Variants in OPHN1 observed in about 807,000 individuals in gnomAD.
OPHN1 encodes the protein oligophrenin-1.
OPHN1 carries 11 observed loss-of-function variants against 60.7 expected under a neutral mutation model. The ratio of observed to expected loss-of-function variants is 0.18; its 90% CI spans 0.11 to 0.30. The LOEUF is 0.30. OPHN1 is among the 10% of genes least tolerant of loss of function. The pLI, the probability that OPHN1 is intolerant of heterozygous loss-of-function variation, is 1.00. For missense variants in OPHN1, 449 were observed against 611.0 expected (o/e 0.73, Z 2.80); for synonymous variants, 226 against 222.6 (o/e 1.02, Z -0.14).
At chrX:68,055,942 A>G (rs1010314320) in intron 21 of OPHN1, among the ~76,000 whole-genome samples, 2 of 110,926 alleles carry the variant, frequency 1.8e-5, no homozygotes, top group Non-Finnish European at 3.8e-5. Flanking sequence ...ATCACACACC[A>G]GGACCTGTCA....
chrX:68,072,069 A>G (rs773291036), intron 20 of OPHN1, among the ~76,000 whole-genome samples: 3 of 111,910 alleles, frequency 2.7e-5, no homozygotes, highest in Non-Finnish European at 5.6e-5. Flanking sequence ...GTAACCAAGG[A>G]TGATTCCAAA....
chrX:68,213,798 G>A, intron 7 of OPHN1, 64 bp downstream of exon 7: 1 of 668,870 alleles, frequency 1.5e-6, no homozygotes, highest in Non-Finnish European at 2.4e-6. Flanking sequence ...TATGATCAAA[G>A]TTTGTACATT....
At chrX:68,265,775 C>G (rs1276929890) in intron 5 of OPHN1, among the ~76,000 whole-genome samples, 1 of 110,795 alleles carries the variant, frequency 9.0e-6, no homozygotes, top group African/African-American at 3.3e-5. Context: ...AGTTAAAAAC[C>G]TTGAAAAAAA....
chrX:68,231,829 C>A (rs1325512780), intron 6 of OPHN1, among the ~76,000 whole-genome samples: 3 of 111,523 alleles, frequency 2.7e-5, no homozygotes, highest in South Asian at 3.7e-4. Context: ...ATGTTCAAGG[C>A]AGCGAAACTG....
intron 18 of OPHN1, among the ~76,000 whole-genome samples, chrX:68,110,929 T>C (rs2077101222): frequency 9.0e-6 from 1 of 111,065 alleles, no homozygotes; most frequent in South Asian, 3.9e-4. Flanking sequence ...GCACTCAGGA[T>C]TTATTACAGG....
At chrX:68,183,379 G>A (rs1402613185) in intron 15 of OPHN1, among the ~76,000 whole-genome samples, 1 of 111,853 alleles carries the variant, frequency 8.9e-6, no homozygotes, top group Non-Finnish European at 1.9e-5. Flanking sequence ...GAAGCAGCAG[G>A]TACAGGAAAG....
intron 15 of OPHN1, 93 bp downstream of exon 15, chrX:68,192,826 C>T: frequency 1.4e-6 from 1 of 733,952 alleles, no homozygotes; most frequent in Non-Finnish European, 2.1e-6. Context: ...ACTATTCTAC[C>T]ACATTTTAGC....
At chrX:68,244,251 G>A (rs1353212524) in intron 5 of OPHN1, among the ~76,000 whole-genome samples, 1 of 112,221 alleles carries the variant, frequency 8.9e-6, no homozygotes, top group Non-Finnish European at 1.9e-5. Context: ...CACCTGAAGT[G>A]TCACATTTTC....
chrX:68,059,604 T>C (rs1290239241), intron 21 of OPHN1, among the ~76,000 whole-genome samples: 1 of 112,109 alleles, frequency 8.9e-6, no homozygotes, highest in Non-Finnish European at 1.9e-5. Flanking sequence ...GCAACACCCA[T>C]TACTGCAAGA....
At chrX:68,204,026 C>T (rs1297743347) in intron 10 of OPHN1, among the ~76,000 whole-genome samples, 2 of 112,755 alleles carry the variant, frequency 1.8e-5, no homozygotes, top group Non-Finnish European at 3.7e-5. Context: ...CTTGCAAATA[C>T]TTAGTGCTCA....
At chrX:68,311,904 A>G (rs1326223955) in intron 2 of OPHN1, among the ~76,000 whole-genome samples, 1 of 111,582 alleles carries the variant, frequency 9.0e-6, no homozygotes, top group African/African-American at 3.3e-5. Flanking sequence ...ATCCCACAAC[A>G]ATAAAACACA....
At chrX:68,110,535 G>A (rs779049623) in intron 18 of OPHN1, among the ~76,000 whole-genome samples, 34 of 111,534 alleles carry the variant, frequency 3.0e-4, no homozygotes, top group Non-Finnish European at 1.5e-4. Context: ...ACAAACCTGT[G>A]GCCCAGAGAG....
rs747237632 is a variant in OPHN1 at position 68,045,226 on chromosome X, G to C, written c.*1946C>G. On this transcript the variant is annotated 3_prime_UTR_variant, in exon 25 of 25. Transcript: ENST00000355520. ...CTGGCCTTTGAGACTGGGTACAGTG[G>C]AGTGAGTTCAACCGGGCCACCTGGA... The C allele has an allele frequency of 1.4e-4, 16 of 111,654 alleles. No individual in the cohort carries two copies. Among genetic ancestry groups the C allele is most frequent in the African/African-American group, 5.2e-4 (16 of 30,755 alleles). The allele number at this position is 111,654 out of a possible 1,213,427, so 9.2% of individuals were successfully genotyped here.
intron 2 of OPHN1, among the ~76,000 whole-genome samples, chrX:68,426,575 C>A (rs866718097): frequency 8.8e-4 from 18 of 20,458 alleles, no homozygotes; most frequent in South Asian, 3.3e-3. Context: ...TATATACATA[C>A]ACAGAGGCTG....
intron 6 of OPHN1, among the ~76,000 whole-genome samples, chrX:68,215,079 C>T (rs147326951): frequency 0.021 from 2,368 of 111,295 alleles, 36 homozygotes; most frequent in Middle Eastern, 0.037. Flanking sequence ...AAAAAACAGA[C>T]AGCACCTAAG....
At chrX:68,384,721 CA>C (rs749261692) in intron 2 of OPHN1, among the ~76,000 whole-genome samples, 84 of 84,643 alleles carry the variant, frequency 9.9e-4, no homozygotes, top group Admixed American at 8.0e-4. Context: ...GACTCCATCT[CA>C]AAAAAAAAAA....
chrX:68,196,163 T>C (rs1412863311), intron 12 of OPHN1, among the ~76,000 whole-genome samples: 3 of 111,761 alleles, frequency 2.7e-5, no homozygotes, highest in Non-Finnish European at 3.8e-5. Flanking sequence ...GTTACCCCTC[T>C]AAATTCTCCA....
At chrX:68,359,649 G>A (rs1046328415) in intron 2 of OPHN1, among the ~76,000 whole-genome samples, 1 of 109,668 alleles carries the variant, frequency 9.1e-6, no homozygotes, top group Non-Finnish European at 1.9e-5. Flanking sequence ...GAGGTCAGGA[G>A]ATTGAGACCA....
At chrX:68,072,138 A>G (rs2147369764) in intron 20 of OPHN1, among the ~76,000 whole-genome samples, 1 of 112,260 alleles carries the variant, frequency 8.9e-6, no homozygotes, top group South Asian at 3.7e-4. Flanking sequence ...GGAGGAGACC[A>G]GAGTAGGAGC....
Sources: allele counts gnomAD v4.1 joint callset (sites outside exome capture counted in the v4.1 genomes callset), GRCh38; gene constraint gnomAD v4.1.1; transcripts MANE v1.5; gene names NCBI Gene and HGNC (gene_info 2026-07-23, HGNC 2026-07-21).